Variants in ST6GAL2 observed in about 807,000 individuals in gnomAD.
ST6GAL2 encodes the protein ST6 beta-galactoside alpha-2,6-sialyltransferase 2.
Under a neutral mutation model 37.5 loss-of-function variants are expected in ST6GAL2, and 24 were observed. The ratio of observed to expected loss-of-function variants is 0.64; its 90% CI spans 0.46 to 0.90. ST6GAL2 has a LOEUF of 0.90. ST6GAL2 is among the 40% of genes least tolerant of loss of function. ST6GAL2 has a pLI of 0.00. For missense variants in ST6GAL2, 715 were observed against 712.7 expected, an observed-to-expected ratio of 1.00 and a Z score of -0.04; for synonymous variants, 306 against 295.1, an observed-to-expected ratio of 1.04 and a Z score of -0.38.
At chr2:106,826,979 T>A (rs1293947506) in intron 5 of ST6GAL2, among the ~76,000 whole-genome samples, 2 of 152,122 alleles carry the variant, frequency 1.3e-5, no homozygotes, top group East Asian at 3.9e-4. Flanking sequence ...ATGGTGACCG[T>A]CCTGCTGACC....
intron 1 of ST6GAL2, among the ~76,000 whole-genome samples, chr2:106,867,291 T>C (rs892203957): frequency 6.6e-5 from 10 of 152,180 alleles, no homozygotes; most frequent in African/African-American, 2.4e-4. Context: ...TTATTCAGCC[T>C]TTTATTTTAA....
intron 5 of ST6GAL2, among the ~76,000 whole-genome samples, chr2:106,817,567 G>A (rs1675848870): frequency 6.6e-6 from 1 of 152,218 alleles, no homozygotes; most frequent in Admixed American, 6.5e-5. Context: ...ATTAGCAGTG[G>A]TACTCAGGCA....
intron 5 of ST6GAL2, among the ~76,000 whole-genome samples, chr2:106,807,715 C>G (rs1675469307): frequency 6.7e-6 from 1 of 148,710 alleles, no homozygotes; most frequent in Non-Finnish European, 1.5e-5. Flanking sequence ...GCTCCCCCTT[C>G]CCCGATTCAC....
At chr2:106,822,147 G>A (rs1406850683) in intron 5 of ST6GAL2, among the ~76,000 whole-genome samples, 1 of 152,084 alleles carries the variant, frequency 6.6e-6, no homozygotes, top group Non-Finnish European at 1.5e-5. Context: ...AGCACTGAAA[G>A]TCCTAGCTAG....
At chr2:106,852,003 T>C (rs1402214921) in intron 1 of ST6GAL2, among the ~76,000 whole-genome samples, 1 of 152,228 alleles carries the variant, frequency 6.6e-6, no homozygotes, top group Non-Finnish European at 1.5e-5. Flanking sequence ...AATTCTTTTA[T>C]CTCTTAACAC....
chr2:106,832,567 G>A lies in ST6GAL2; in HGVS notation c.1141C>T (p.Leu381=), dbSNP rs1019080537. 2 of 1,558,018 alleles carry A rather than the reference G, an allele frequency of 1.3e-6. No homozygotes were observed. Among genetic ancestry groups the A allele is most frequent in the East Asian group, 2.3e-5 (1 of 44,016 alleles). ...DPAPYSANLN[L]WYKKPDYNLF... is the part of the protein sequence containing the mutation. Reference sequence around the variant, plus strand: ...GGCAAATCCAGGGAAACACTTACCAGGTTAAGATTTGCGGAATATGGGGCA... The same window carrying A: ...GGCAAATCCAGGGAAACACTTACCAAGTTAAGATTTGCGGAATATGGGGCA... The change falls in exon 4 of 6, where the codon CTG becomes TTG. Residue 381 remains leucine, a splice_region_variant and synonymous_variant. Coordinates refer to ENST00000409382, the MANE Select transcript of ST6GAL2 (RefSeq NM_001142351.2).
At chr2:106,819,779 T>C (rs1558680555) in intron 5 of ST6GAL2, among the ~76,000 whole-genome samples, 1 of 151,776 alleles carries the variant, frequency 6.6e-6, no homozygotes, top group Admixed American at 6.6e-5. Flanking sequence ...ATAATAACTA[T>C]AACAACTTTT....
Position 106,843,206 on chromosome 2 carries a change from G to A in ST6GAL2, c.772C>T (p.Arg258Cys), listed in dbSNP as rs1395800929. The stretch of plus-strand genomic sequence containing the variant: ...CCGTCCAGCGTCCGCACGCGCGCGC[G>A]GCTCCGCAGCTGGCACAGCAGCTGT... ...RAQLLCQLRS[R>C]ARVRTLDGTE... Residue 258 changes from arginine to cysteine, a missense_variant, in exon 2 of 6, where the codon CGC (arginine) becomes TGC (cysteine). This residue lies in a region of ST6GAL2 where 512 missense variants were observed against 488.8 expected (regional missense o/e 1.05). Transcript: ENST00000409382. The A allele has an allele frequency of 3.2e-6, 5 of 1,553,596 alleles. No homozygotes were observed. The highest frequency in any genetic ancestry group is 2.4e-5 in the East Asian group (1 of 42,090).
chr2:106,861,308 C>A (rs1279400101), intron 1 of ST6GAL2, among the ~76,000 whole-genome samples: 1 of 152,170 alleles, frequency 6.6e-6, no homozygotes, highest in Non-Finnish European at 1.5e-5. Flanking sequence ...CCTTACTGCC[C>A]TAACCTCTCT....
chr2:106,850,485 G>C (rs979754671), intron 1 of ST6GAL2, among the ~76,000 whole-genome samples: 6 of 152,154 alleles, frequency 3.9e-5, no homozygotes, highest in Non-Finnish European at 8.8e-5. Context: ...TTGTGATTAG[G>C]TCTCAACTTT....
At chr2:106,818,806 T>C (rs1230982392) in intron 5 of ST6GAL2, among the ~76,000 whole-genome samples, 1 of 151,566 alleles carries the variant, frequency 6.6e-6, no homozygotes, top group South Asian at 2.1e-4. Flanking sequence ...AAATTCAAAA[T>C]AGCTGTTTTG....
rs1675379017 is a variant in ST6GAL2 at position 106,805,280 on chromosome 2, A to G, written c.*1398T>C. 6.6e-6 allele frequency: 1 copy of G among 152,248 alleles called. No individual in the cohort carries two copies. The highest frequency in any genetic ancestry group is 6.5e-5 in the Admixed American group (1 of 15,286). The allele number at this position is 152,248 out of a possible 1,614,324, so 9.4% of individuals were successfully genotyped here. A position where few individuals can be genotyped will look rare whatever the true frequency, so the allele number is the denominator to read the frequency against. ...CATTGCAACAAGTCTTAACTGTACC[A>G]TGGAGATATGTTTTGGTTATACATT... On this transcript the variant is annotated 3_prime_UTR_variant, in exon 6 of 6. Coordinates refer to ENST00000409382, the MANE Select transcript of ST6GAL2 (RefSeq NM_001142351.2).
Position 106,871,563 on chromosome 2 carries a change from A to G in ST6GAL2, c.-58+14530T>C, listed in dbSNP as rs550200919. Among the ~76,000 whole-genome samples, 131 of 152,316 alleles carry G rather than the reference A, an allele frequency of 8.6e-4. 1 individual carries two copies. Among genetic ancestry groups the G allele is most frequent in the African/African-American group, 3.0e-3 (123 of 41,578 alleles). On this transcript the variant is annotated intron_variant, in intron 1 of 5. Transcript: ENST00000409382. ...CAAACACATTGTACAGCTGTACAAA[A>G]TATCTTTATATTTATTCTATAAGCA...
intron 5 of ST6GAL2, among the ~76,000 whole-genome samples, chr2:106,814,111 T>C (rs1675710266): frequency 6.6e-6 from 1 of 152,190 alleles, no homozygotes; most frequent in Non-Finnish European, 1.5e-5. Flanking sequence ...CTAAACAAAA[T>C]AGTATAATGC....
At chr2:106,826,411 A>G (rs557901198) in intron 5 of ST6GAL2, among the ~76,000 whole-genome samples, 88 of 152,098 alleles carry the variant, frequency 5.8e-4, no homozygotes, top group African/African-American at 2.0e-3. Context: ...TCAAATAACC[A>G]AATCTGTAGT....
At chr2:106,886,604 C>G (rs893512163), upstream of ST6GAL2, 8 of 151,852 alleles carry the variant, frequency 5.3e-5, no homozygotes, top group African/African-American at 1.2e-4. Flanking sequence ...GGCCCCGAGC[C>G]CCGGGGAGAG....
At position 106,806,522 on chromosome 2, in the gene ST6GAL2, C is replaced by T. The variant is rs867870837; in HGVS notation, c.*156G>A. ...TATGTTCAAAGCAGTAATACATACTCAATGGCTTAGAAAGAGAAGGATTAT... is the reference window on the plus strand; with the variant it reads ...TATGTTCAAAGCAGTAATACATACTTAATGGCTTAGAAAGAGAAGGATTAT... On this transcript the variant is annotated 3_prime_UTR_variant, in exon 6 of 6. Transcript: ENST00000409382. 9.3e-6 allele frequency: 8 copies of T among 855,988 alleles called. No individual in the cohort carries two copies. Among genetic ancestry groups the T allele is most frequent in the Non-Finnish European group, 1.2e-5 (7 of 560,214 alleles). The allele number at this position is 855,988 out of a possible 1,614,324, so 53.0% of individuals were successfully genotyped here.
intron 5 of ST6GAL2, among the ~76,000 whole-genome samples, chr2:106,809,266 A>C (rs149670808): frequency 3.4e-3 from 525 of 152,364 alleles, no homozygotes; most frequent in African/African-American, 0.012. Flanking sequence ...CATCACGGGC[A>C]TCATTAATCA....
In ST6GAL2 at chr2:106,830,068, A is replaced by G; in HGVS notation, c.1316T>C (p.Ile439Thr). The G allele has an allele frequency of 3.7e-6, 6 of 1,613,816 alleles. No homozygotes were observed. The highest frequency in any genetic ancestry group is 4.2e-6 in the Non-Finnish European group (5 of 1,179,864). The change falls in exon 5 of 6, where the codon ATT becomes ACT. Residue 439 changes from isoleucine to threonine, a missense_variant and splice_region_variant. Physicochemically the swap from Ile to Thr is moderately conservative, Grantham distance 89. Transcript: ENST00000409382. Reference sequence around the variant, plus strand: ...CCAATTTTTAACATAACACCTACCAATGAAACCAGAAGATGGTGGGTTTGG... The same window carrying G: ...CCAATTTTTAACATAACACCTACCAGTGAAACCAGAAGATGGTGGGTTTGG... ...IQPNPPSSGFIGILIMMSMCR... is the reference protein window; with the variant it reads ...IQPNPPSSGFTGILIMMSMCR...
Sources: gnomAD v4.1 joint callset for allele counts (sites outside exome capture counted in the v4.1 genomes callset) on GRCh38, gnomAD v4.1.1 for gene constraint, gnomAD v4.1.1 regional missense constraint, MANE v1.5 for transcripts, NCBI Gene and HGNC (gene_info 2026-07-23, HGNC 2026-07-21) for gene names.